FAM193A: variants seen among roughly 807,000 people sequenced by gnomAD.
FAM193A encodes family with sequence similarity 193 member A.
FAM193A carries 22 observed loss-of-function variants against 126.5 expected under a neutral mutation model. The ratio of observed to expected loss-of-function variants is 0.17; its 90% CI spans 0.12 to 0.25. The LOEUF (loss-of-function observed/expected upper bound fraction) is 0.25, where lower values mean the gene tolerates loss of function less well. Ranked by LOEUF, FAM193A falls within the 10% of genes least tolerant of loss-of-function variation. FAM193A has a pLI of 1.00. For missense variants in FAM193A, 1,675 were observed against 1,672.8 expected, an observed-to-expected ratio of 1.00 and a Z score of -0.02; for synonymous variants, 761 against 646.8, an observed-to-expected ratio of 1.18 and a Z score of -2.68.
At chr4:2,537,307 C>T (rs1736938938) in intron 1 of FAM193A, 137 bp downstream of exon 1, 1 of 154,686 alleles carries the variant, frequency 6.5e-6, no homozygotes, top group Non-Finnish European at 1.4e-5. Context: ...ACGGGTCCTG[C>T]GGCGCTGCGC....
chr4:2,707,713 A>ATTTT (rs752751839), intron 19 of FAM193A, among the ~76,000 whole-genome samples: 5 of 130,824 alleles, frequency 3.8e-5, no homozygotes, highest in Non-Finnish European at 8.0e-5. Context: ...TATATTTCTT[A>ATTTT]TTTTTTTTTT....
Position 2,663,420 on chromosome 4 carries a change from G to C in FAM193A, c.2079+132G>C, listed in dbSNP as rs923643917. ...AAGGTTAGAACTGAAGAGAGTCAAG[G>C]CATACTTACAATCTCCATTTGAATC... On this transcript the variant is annotated intron_variant, in intron 12 of 20. Coordinates refer to ENST00000637812, the MANE Select transcript of FAM193A (RefSeq NM_001366318.2). 4.6e-6 allele frequency: 3 copies of C among 647,694 alleles called. No homozygotes were observed. The African/African-American group carries it at 5.6e-5, about 12-fold the overall frequency. The allele number at this position is 647,694 out of a possible 1,614,324, so 40.1% of individuals were successfully genotyped here.
intron 2 of FAM193A, among the ~76,000 whole-genome samples, chr4:2,609,756 C>T (rs907304223): frequency 1.2e-4 from 18 of 151,992 alleles, no homozygotes; most frequent in African/African-American, 3.6e-4. Flanking sequence ...GGTGAAACCC[C>T]GTCTCTACTA....
At chr4:2,637,196 G>T (rs1560506043) in intron 5 of FAM193A, among the ~76,000 whole-genome samples, 1 of 152,096 alleles carries the variant, frequency 6.6e-6, no homozygotes, top group Non-Finnish European at 1.5e-5. Flanking sequence ...GCGTGATAGT[G>T]TACACCTGTA....
At chr4:2,616,701 A>G (rs1742208346) in intron 2 of FAM193A, among the ~76,000 whole-genome samples, 1 of 151,736 alleles carries the variant, frequency 6.6e-6, no homozygotes, top group Non-Finnish European at 1.5e-5. Context: ...CTGGGACCAC[A>G]GGCACCCACC....
chr4:2,684,334 C>CCTGATTCTGACTATATTTATTATTT (rs1334206316), intron 13 of FAM193A, among the ~76,000 whole-genome samples: 6 of 152,188 alleles, frequency 3.9e-5, no homozygotes, highest in African/African-American at 1.4e-4. Flanking sequence ...CCACTTAAGT[C>CCTGATTCTGACTATATTTATTATTT]CTGATTCTGA....
chr4:2,621,080 G>C (rs1406909981), intron 2 of FAM193A, among the ~76,000 whole-genome samples: 3 of 152,022 alleles, frequency 2.0e-5, no homozygotes, highest in Non-Finnish European at 4.4e-5. Flanking sequence ...ACTGAGTGCT[G>C]GAGAGTGCGT....
chr4:2,726,801 AAAG>A (rs1720798015), intron 20 of FAM193A, among the ~76,000 whole-genome samples: 2 of 148,764 alleles, frequency 1.3e-5, no homozygotes, highest in Non-Finnish European at 3.0e-5. Flanking sequence ...AAAAAAAAAA[AAAG>A]CCGGGTGTGG....
intron 15 of FAM193A, among the ~76,000 whole-genome samples, chr4:2,691,554 A>T (rs1381681292): frequency 6.6e-6 from 1 of 152,094 alleles, no homozygotes; most frequent in Non-Finnish European, 1.5e-5. Context: ...CCTGGCTGTC[A>T]CTTAGGGGGC....
At chr4:2,698,936 T>TA (rs1560583604) in intron 18 of FAM193A, among the ~76,000 whole-genome samples, 1 of 152,224 alleles carries the variant, frequency 6.6e-6, no homozygotes, top group East Asian at 1.9e-4. Flanking sequence ...TCTAGTTCTT[T>TA]ACTACACATT....
intron 1 of FAM193A, among the ~76,000 whole-genome samples, chr4:2,553,275 G>A (rs1025658949): frequency 5.3e-5 from 8 of 152,016 alleles, no homozygotes; most frequent in Admixed American, 4.6e-4. Context: ...GCTGTAATGC[G>A]CGATGATAGG....
At chr4:2,671,472 G>C (rs1485684999) in intron 12 of FAM193A, among the ~76,000 whole-genome samples, 1 of 152,162 alleles carries the variant, frequency 6.6e-6, no homozygotes, top group Non-Finnish European at 1.5e-5. Context: ...GCCCACTGCC[G>C]ACCGAGTCAG....
chr4:2,717,171 G>C lies in FAM193A; in HGVS notation c.4454+1067G>C, dbSNP rs148765322. On this transcript the variant is annotated intron_variant, in intron 20 of 20. Coordinates refer to ENST00000637812, the MANE Select transcript of FAM193A (RefSeq NM_001366318.2). ...ATTTTTGTATTTTTGGTGGAAACAG[G>C]GTTTTGCTATGTTGGCCAGGCAGGT... Among the ~76,000 whole-genome samples the C allele has an allele frequency of 8.9e-4, 136 of 152,066 alleles. 1 individual carries two copies. The Middle Eastern group carries it at 0.024, about 27-fold the overall frequency.
intron 19 of FAM193A, among the ~76,000 whole-genome samples, chr4:2,707,543 C>T (rs1160095202): frequency 3.3e-5 from 5 of 151,868 alleles, no homozygotes; most frequent in Admixed American, 3.3e-4. Flanking sequence ...CAAAATATCT[C>T]AGTATAATTT....
intron 5 of FAM193A, among the ~76,000 whole-genome samples, chr4:2,637,795 A>G (rs1451262756): frequency 6.6e-6 from 1 of 152,158 alleles, no homozygotes; most frequent in Non-Finnish European, 1.5e-5. Context: ...GTTCACAGGG[A>G]ACTTACTGGA....
rs1395235806 is a variant in FAM193A at position 2,671,789 on chromosome 4, TCTCTA to T, written c.2080-327_2080-323del. ...AGCCCAGTGGAGCACAGCCATCCCC[TCTCTA>T]CTCTGTCGTCTTCACTAGTTCCCTT... On this transcript the variant is annotated intron_variant, in intron 12 of 20. Transcript: ENST00000637812. Among the ~76,000 whole-genome samples the T allele has an allele frequency of 2.6e-5, 4 of 152,332 alleles. No individual in the cohort carries two copies. In the East Asian group the frequency reaches 7.7e-4, roughly 29 times the overall value.
chr4:2,636,019 G>T (rs1229535775), intron 5 of FAM193A, among the ~76,000 whole-genome samples: 12 of 146,312 alleles, frequency 8.2e-5, no homozygotes, highest in African/African-American at 2.9e-4. Flanking sequence ...TTTTTGAGAC[G>T]GAGTCTTAGT....
chr4:2,722,631 G>C (rs1026333734), intron 20 of FAM193A, among the ~76,000 whole-genome samples: 3 of 152,134 alleles, frequency 2.0e-5, no homozygotes, highest in Admixed American at 6.6e-5. Context: ...TTTGGATTCT[G>C]GGAGATGACA....
Position 2,554,621 on chromosome 4 carries a change from A to G in FAM193A, c.255+17451A>G, listed in dbSNP as rs546481301. 1.1e-3 allele frequency among the ~76,000 whole-genome samples: 162 copies of G among 152,166 alleles called. 1 individual carries two copies. The highest frequency in any genetic ancestry group is 6.8e-3 in the Middle Eastern group (2 of 294). On this transcript the variant is annotated intron_variant, in intron 1 of 20. Coordinates refer to ENST00000637812, the MANE Select transcript of FAM193A (RefSeq NM_001366318.2). ...GGTTGATGGTTTTGTTCGCTTCTGT[A>G]TTCTTGCTGAGTTTTTGTCTACTAG...
Sources: allele counts gnomAD v4.1 joint callset (sites outside exome capture counted in the v4.1 genomes callset), GRCh38; gene constraint gnomAD v4.1.1; transcripts MANE v1.5; gene names NCBI Gene and HGNC (gene_info 2026-07-23, HGNC 2026-07-21).